Variants in FAM86B1 observed in about 807,000 individuals in gnomAD.
FAM86B1 encodes family with sequence similarity 86 member B1 (gene/pseudogene), also known as putative protein N-methyltransferase FAM86B1.
For missense variants in FAM86B1, 13 were observed against 328.1 expected (o/e 0.04, Z 7.42); for synonymous variants, 4 against 137.6 (o/e 0.03, Z 6.79).
intron 5 of FAM86B1, chr8:12,186,119 G>A: frequency 3.1e-6 from 1 of 318,208 alleles, no homozygotes; most frequent in Non-Finnish European, 5.1e-6. Context: ...AGAGCCATGT[G>A]GTGACGACTG....
At chr8:12,191,052 C>A (rs1806776465) in intron 2 of FAM86B1, among the ~76,000 whole-genome samples, 1 of 149,214 alleles carries the variant, frequency 6.7e-6, no homozygotes, top group East Asian at 1.9e-4. Flanking sequence ...GCTGTGGCTG[C>A]ATCTTTTCCA....
At position 12,186,458 on chromosome 8, in the gene FAM86B1, G is replaced by T. The variant is rs1262630600; in HGVS notation, c.534C>A (p.Ile178=). Reference sequence around the variant, plus strand: ...CCCTGGGGCTGTCTAAGTTGCCAGTGATGTCTGCCTCTAATGAGAGGCCAT... The same window carrying T: ...CCCTGGGGCTGTCTAAGTTGCCAGTTATGTCTGCCTCTAATGAGAGGCCAT... ...LLNGLSLEAD[I]TGNLDSPRVT... The change falls in exon 5 of 7, where the codon ATC becomes ATA. Residue 178 remains isoleucine, a synonymous_variant. Coordinates refer to ENST00000448228, the MANE Select transcript of FAM86B1 (RefSeq NM_001083537.4). 1 of 1,610,036 alleles carries T rather than the reference G, an allele frequency of 6.2e-7. No homozygotes were observed. The highest frequency in any genetic ancestry group is 8.5e-7 in the Non-Finnish European group (1 of 1,179,028).
intron 2 of FAM86B1, among the ~76,000 whole-genome samples, chr8:12,190,728 G>C (rs1387384091): frequency 4.1e-5 from 4 of 96,978 alleles, no homozygotes; most frequent in African/African-American, 1.9e-4. Flanking sequence ...GGGACTATAG[G>C]CGTGCACCAC....
chr8:12,187,251 G>T, intron 3 of FAM86B1, among the ~76,000 whole-genome samples: 1 of 29,172 alleles, frequency 3.4e-5, no homozygotes, highest in Non-Finnish European at 1.0e-4. Flanking sequence ...TGGAGTCAGT[G>T]GCACGATCTT....
In FAM86B1 at chr8:12,188,048, G is replaced by A; in HGVS notation, c.241-1215C>T. The A allele has an allele frequency of 6.0e-6, 5 of 835,018 alleles. 1 individual carries two copies. Among genetic ancestry groups the A allele is most frequent in the Non-Finnish European group, 6.3e-6 (4 of 635,712 alleles). The allele number at this position is 835,018 out of a possible 1,614,324, so 51.7% of individuals were successfully genotyped here. ...CAGGAAGGGTATCTGGGCTGTGAGG[G>A]GGAGGAGGGTGCCTTTCTCATACCA... On this transcript the variant is annotated intron_variant, in intron 3 of 6. Coordinates refer to ENST00000448228, the MANE Select transcript of FAM86B1 (RefSeq NM_001083537.4).
intron 1 of FAM86B1, among the ~76,000 whole-genome samples, chr8:12,192,922 A>G (rs1377994869): frequency 6.7e-6 from 1 of 148,358 alleles, no homozygotes; most frequent in Non-Finnish European, 1.5e-5. Flanking sequence ...AGAAAACAAT[A>G]GCACAGAGAG....
chr8:12,192,634 T>C (rs1187449290), intron 1 of FAM86B1, among the ~76,000 whole-genome samples: 1 of 85,152 alleles, frequency 1.2e-5, no homozygotes, highest in African/African-American at 5.8e-5. Context: ...TTTCCCTGTT[T>C]TATTGGCTTT....
Position 12,189,251 on chromosome 8 carries a change from AAAATATATAAAT to A in FAM86B1, c.240+545_240+556del, listed in dbSNP as rs1179456106. Among the ~76,000 whole-genome samples the A allele has an allele frequency of 3.5e-4, 45 of 129,330 alleles. 1 individual carries two copies. The highest frequency in any genetic ancestry group is 1.3e-3 in the African/African-American group (40 of 31,364). 84.8% of individuals were successfully genotyped at this position (129,330 alleles called of 152,430 possible). On this transcript the variant is annotated intron_variant, in intron 3 of 6. Coordinates refer to ENST00000448228, the MANE Select transcript of FAM86B1 (RefSeq NM_001083537.4). ...AACACAGTGAGACTCTGTCTCAAAA[AAAATATATAAAT>A]AAATAAATAAATAAATAAATAAATA...
At chr8:12,193,305 C>A (rs1311330093) in intron 1 of FAM86B1, among the ~76,000 whole-genome samples, 16 of 145,374 alleles carry the variant, frequency 1.1e-4, no homozygotes, top group Admixed American at 1.1e-3. Flanking sequence ...GGGGCAGACC[C>A]AGGGAGGAAT....
intron 3 of FAM86B1, among the ~76,000 whole-genome samples, chr8:12,189,207 AC>A (rs1382596684): frequency 4.1e-5 from 6 of 147,394 alleles, no homozygotes; most frequent in African/African-American, 1.6e-4. Flanking sequence ...AGATTGTGCC[AC>A]AGTAATCCAG....
chr8:12,191,112 C>G (rs1158134194), intron 2 of FAM86B1, among the ~76,000 whole-genome samples: 4 of 130,948 alleles, frequency 3.1e-5, no homozygotes, highest in Non-Finnish European at 6.3e-5. Context: ...CACCGGGGCT[C>G]CTAGGATGGG....
At chr8:12,192,730 C>A (rs1234747430) in intron 1 of FAM86B1, among the ~76,000 whole-genome samples, 2 of 142,292 alleles carry the variant, frequency 1.4e-5, no homozygotes, top group African/African-American at 5.7e-5. Context: ...ATCATGGGTA[C>A]TGCCGATCCA....
chr8:12,194,658 G>C (rs1487788797), upstream of FAM86B1: 1 of 177,592 alleles, frequency 5.6e-6, no homozygotes, highest in East Asian at 1.6e-4. Flanking sequence ...CAGTGCCCGG[G>C]AGGCGGGGCC....
chr8:12,192,897 C>T (rs1432781021), intron 1 of FAM86B1, among the ~76,000 whole-genome samples: 2 of 149,496 alleles, frequency 1.3e-5, no homozygotes, highest in Middle Eastern at 3.5e-3. Flanking sequence ...CATTATATCC[C>T]CCATTTTATT....
In FAM86B1 at chr8:12,191,164, T is replaced by G. The variant is rs1203458629; in HGVS notation, c.159+615A>C. ...GGAGGATGTCTGCCTCCCCTGAGTT[T>G]GTATGGAAAATGTATTCTGGTGCAC... On this transcript the variant is annotated intron_variant, in intron 2 of 6. Coordinates refer to ENST00000448228, the MANE Select transcript of FAM86B1 (RefSeq NM_001083537.4). 4.4e-5 allele frequency among the ~76,000 whole-genome samples: 4 copies of G among 90,536 alleles called. No individual in the cohort carries two copies. The East Asian group carries it at 1.2e-3, about 27-fold the overall frequency. 59.4% of individuals were successfully genotyped at this position (90,536 alleles called of 152,430 possible).
At chr8:12,186,315 A>AC in intron 5 of FAM86B1, 37 bp downstream of exon 5, 1 of 1,453,846 alleles carries the variant, frequency 6.9e-7, no homozygotes, top group East Asian at 2.6e-5. Flanking sequence ...AGCTGCAAGG[A>AC]CACCGCCTGC....
intron 3 of FAM86B1, among the ~76,000 whole-genome samples, chr8:12,189,252 A>C (rs1440440010): frequency 8.4e-6 from 1 of 119,630 alleles, no homozygotes; most frequent in Admixed American, 9.4e-5. Flanking sequence ...GTCTCAAAAA[A>C]AATATATAAA....
rs1805011046 is a variant in FAM86B1, at chr8:12,182,155, A to G, written c.*1451T>C. On this transcript the variant is annotated 3_prime_UTR_variant, in exon 7 of 7. Coordinates refer to ENST00000448228, the MANE Select transcript of FAM86B1 (RefSeq NM_001083537.4). ...TTTACAAACACAGGCTGTGGGCTGG[A>G]TTTGGCCTGCAGGCTGTAGTTTGTG... The G allele has an allele frequency of 1.3e-5, 2 of 155,364 alleles. No homozygotes were observed. Among genetic ancestry groups the G allele is most frequent in the South Asian group, 2.7e-4 (2 of 7,344 alleles). 9.6% of individuals were successfully genotyped at this position (155,364 alleles called of 1,614,324 possible).
chr8:12,189,257 TATAAATAA>T (rs777926231), intron 3 of FAM86B1, among the ~76,000 whole-genome samples: 6,202 of 80,832 alleles, frequency 0.077, 98 homozygotes, highest in East Asian at 0.15. Context: ...AAAAAAAATA[TATAAATAA>T]ATAAATAAAT....
Sources: gnomAD v4.1 joint callset for allele counts (sites outside exome capture counted in the v4.1 genomes callset) on GRCh38, gnomAD v4.1.1 for gene constraint, MANE v1.5 for transcripts, NCBI Gene and HGNC (gene_info 2026-07-23, HGNC 2026-07-21) for gene names.